The following KCTD16 variants were observed in gnomAD, a reference collection of about 807,000 sequenced individuals.
KCTD16 encodes potassium channel tetramerization domain containing 16, also known as BTB/POZ domain-containing protein KCTD16.
Under a neutral mutation model 33.2 loss-of-function variants are expected in KCTD16, and 13 were observed. The ratio of observed to expected loss-of-function variants is 0.39; its 90% CI spans 0.25 to 0.62. KCTD16 has a LOEUF of 0.62. Among genes scored for constraint, KCTD16 ranks in the 20% least tolerant of loss-of-function variants. The pLI is 0.50. For synonymous variants in KCTD16, 197 were observed against 195.3 expected (o/e 1.01, Z -0.07); for missense variants, 441 against 525.1 (o/e 0.84, Z 1.57).
At position 144,184,847 on chromosome 5, in the gene KCTD16, A is replaced by T. The variant is rs1007273500; in HGVS notation, c.-327+10375A>T. 2.7e-4 allele frequency among the ~76,000 whole-genome samples: 41 copies of T among 152,154 alleles called. 1 individual carries two copies. The highest frequency in any genetic ancestry group is 9.9e-4 in the African/African-American group (41 of 41,438). On this transcript the variant is annotated intron_variant, in intron 2 of 3. Coordinates refer to ENST00000512467, the MANE Select transcript of KCTD16 (RefSeq NM_020768.4). Reference sequence around the variant, plus strand: ...GTAATGTCTATTCAAGCCCTTTGCTACAAAGAGGTGCATTTAATTAATCAG... The same window carrying T: ...GTAATGTCTATTCAAGCCCTTTGCTTCAAAGAGGTGCATTTAATTAATCAG...
chr5:144,393,497 A>G (rs1357204665), intron 3 of KCTD16, among the ~76,000 whole-genome samples: 2 of 152,066 alleles, frequency 1.3e-5, no homozygotes, highest in Non-Finnish European at 2.9e-5. Flanking sequence ...CAACAAGTAT[A>G]ATTTGGGGCA....
At chr5:144,302,074 G>A (rs1009950041) in intron 3 of KCTD16, among the ~76,000 whole-genome samples, 3 of 152,128 alleles carry the variant, frequency 2.0e-5, no homozygotes, top group African/African-American at 4.8e-5. Flanking sequence ...TGAGAAGATT[G>A]TGGTGAAGAT....
At position 144,473,692 on chromosome 5, in the gene KCTD16, G is replaced by A. The variant is rs776301270; in HGVS notation, c.865G>A (p.Asp289Asn). ...EPSRWSPSHC[D>N]CCCKNGKGDK... ...TTCCAGATGGTCACCCTCACACTGC[G>A]ATTGCTGCTGCAAGAATGGCAAAGG... is the stretch of plus-strand genomic sequence containing the variant. Residue 289 changes from aspartate (D) to asparagine (N), a missense_variant, in exon 4 of 4, where the codon GAT becomes AAT. Asp to Asn is a conservative substitution (Grantham distance 23, BLOSUM62 1). Transcript: ENST00000512467. 6 of 1,608,098 alleles carry A rather than the reference G, an allele frequency of 3.7e-6. No homozygotes were observed. The highest frequency in any genetic ancestry group is 2.2e-5 in the East Asian group (1 of 44,686).
rs557979389 is a variant in KCTD16, at chr5:144,225,319, C to T, written c.832+17773C>T. On this transcript the variant is annotated intron_variant, in intron 3 of 3. Coordinates refer to ENST00000512467, the MANE Select transcript of KCTD16 (RefSeq NM_020768.4). ...TTTAAGAAATTGAACCAGATTGGGC[C>T]GAAATCTGACAATCTGTCCTCAGTT... Among the ~76,000 whole-genome samples, 8 of 152,040 alleles carry T rather than the reference C, an allele frequency of 5.3e-5. No individual in the cohort carries two copies. The East Asian group carries it at 5.8e-4, about 11-fold the overall frequency.
chr5:144,214,100 G>A (rs1753486180), intron 3 of KCTD16, among the ~76,000 whole-genome samples: 1 of 152,082 alleles, frequency 6.6e-6, no homozygotes, highest in Non-Finnish European at 1.5e-5. Context: ...TTCTCTAAAT[G>A]GCATTGTTAG....
chr5:144,467,091 ATAT>A (rs1239138862), intron 3 of KCTD16, among the ~76,000 whole-genome samples: 4 of 139,668 alleles, frequency 2.9e-5, no homozygotes, highest in Non-Finnish European at 6.1e-5. Flanking sequence ...AGTGTTATAT[ATAT>A]TATATATAAT....
chr5:144,201,839 A>G (rs906354529), intron 2 of KCTD16, among the ~76,000 whole-genome samples: 1 of 152,244 alleles, frequency 6.6e-6, no homozygotes, highest in Admixed American at 6.5e-5. Flanking sequence ...TCTTAGCATA[A>G]GTAAGTTTAT....
intron 3 of KCTD16, among the ~76,000 whole-genome samples, chr5:144,244,131 T>C (rs1349442378): frequency 6.6e-6 from 1 of 152,156 alleles, no homozygotes; most frequent in African/African-American, 2.4e-5. Context: ...CCCCACTCTT[T>C]GGGGGATTCA....
At chr5:144,317,940 A>G (rs551470486) in intron 3 of KCTD16, among the ~76,000 whole-genome samples, 1 of 152,358 alleles carries the variant, frequency 6.6e-6, no homozygotes, top group African/African-American at 2.4e-5. Context: ...CCCGGAGTCT[A>G]TGCCCGCACT....
chr5:144,172,516 TC>T (rs1752413240), intron 1 of KCTD16, among the ~76,000 whole-genome samples: 1 of 152,210 alleles, frequency 6.6e-6, no homozygotes, highest in African/African-American at 2.4e-5. Flanking sequence ...TTTTGTGCTT[TC>T]TAACTATATT....
intron 3 of KCTD16, among the ~76,000 whole-genome samples, chr5:144,337,106 G>A (rs1266636604): frequency 1.3e-5 from 2 of 151,680 alleles, no homozygotes; most frequent in East Asian, 1.9e-4. Context: ...ATATTGCAAT[G>A]GGTTGGTGTA....
At position 144,206,457 on chromosome 5, in the gene KCTD16, C is replaced by A; in HGVS notation, c.-258C>A. On this transcript the variant is annotated 5_prime_UTR_variant, in exon 3 of 4. Coordinates refer to ENST00000512467, the MANE Select transcript of KCTD16 (RefSeq NM_020768.4). ...AGCTTGATGGAAGATTGGATATAGA[C>A]GAGTTGATTATATTTTATGAAGTAG... is the stretch of plus-strand genomic sequence containing the variant. 2.5e-6 allele frequency: 1 copy of A among 404,760 alleles called. No individual in the cohort carries two copies. Among genetic ancestry groups the A allele is most frequent in the Non-Finnish European group, 4.4e-6 (1 of 228,112 alleles). The allele number at this position is 404,760 out of a possible 1,614,324, so 25.1% of individuals were successfully genotyped here.
intron 3 of KCTD16, among the ~76,000 whole-genome samples, chr5:144,325,767 T>A (rs922632220): frequency 6.6e-6 from 1 of 152,158 alleles, no homozygotes; most frequent in Non-Finnish European, 1.5e-5. Context: ...CATCAAGCTG[T>A]GTCCTAACTG....
intron 3 of KCTD16, among the ~76,000 whole-genome samples, chr5:144,287,236 G>T (rs1755769975): frequency 6.6e-6 from 1 of 151,790 alleles, no homozygotes; most frequent in Non-Finnish European, 1.5e-5. Flanking sequence ...GGCCATTAAA[G>T]AAGGCTCGTG....
intron 3 of KCTD16, among the ~76,000 whole-genome samples, chr5:144,251,693 G>C (rs778122628): frequency 2.6e-5 from 4 of 152,194 alleles, no homozygotes; most frequent in Non-Finnish European, 5.9e-5. Context: ...GGAGGTAACC[G>C]TAAGAATTTC....
chr5:144,231,969 A>C (rs946289209), intron 3 of KCTD16, among the ~76,000 whole-genome samples: 6 of 152,206 alleles, frequency 3.9e-5, no homozygotes, highest in Non-Finnish European at 8.8e-5. Flanking sequence ...GAGCCAAAAC[A>C]GTATTTATTT....
intron 2 of KCTD16, among the ~76,000 whole-genome samples, chr5:144,202,245 C>A (rs994834013): frequency 6.6e-6 from 1 of 152,148 alleles, no homozygotes; most frequent in African/African-American, 2.4e-5. Context: ...AATAATAACA[C>A]TAGCGGTGTT....
intron 3 of KCTD16, among the ~76,000 whole-genome samples, chr5:144,208,357 C>T (rs1242608342): frequency 6.6e-6 from 1 of 152,164 alleles, no homozygotes; most frequent in Non-Finnish European, 1.5e-5. Flanking sequence ...GAGGTCAGTT[C>T]ATTTGCTTAA....
At chr5:144,257,813 G>T (rs1206875428) in intron 3 of KCTD16, among the ~76,000 whole-genome samples, 2 of 151,952 alleles carry the variant, frequency 1.3e-5, no homozygotes, top group East Asian at 3.9e-4. Flanking sequence ...TAGATTCTTG[G>T]GGAATCAGCT....
Sources: gnomAD v4.1 joint callset for allele counts (sites outside exome capture counted in the v4.1 genomes callset) on GRCh38, gnomAD v4.1.1 for gene constraint, MANE v1.5 for transcripts, NCBI Gene and HGNC (gene_info 2026-07-23, HGNC 2026-07-21) for gene names.